The following ROBO2 variants were observed in gnomAD, a reference collection of about 807,000 sequenced individuals.
ROBO2 encodes roundabout homolog 2.
Under a neutral mutation model 160.8 loss-of-function variants are expected in ROBO2, and 53 were observed. The observed-to-expected ratio is 0.33, with a 90% CI of 0.26 to 0.41. ROBO2 has a LOEUF of 0.41. ROBO2 is among the 10% of genes least tolerant of loss of function. The pLI is 1.00. For missense variants in ROBO2, 1,577 were observed against 1,722.4 expected (o/e 0.92, Z 1.49); for synonymous variants, 664 against 611.7 (o/e 1.09, Z -1.26).
chr3:77,501,599 T>A (rs2153607634), intron 5 of ROBO2, among the ~76,000 whole-genome samples: 1 of 152,250 alleles, frequency 6.6e-6, no homozygotes. Flanking sequence ...ATCTGCAAAC[T>A]ATGTTGGATT....
intron 1 of ROBO2, among the ~76,000 whole-genome samples, chr3:75,912,834 G>A (rs1006405449): frequency 1.4e-4 from 21 of 152,248 alleles, no homozygotes; most frequent in African/African-American, 5.1e-4. Flanking sequence ...CTGTGATTGA[G>A]TTTACCACTT....
At chr3:76,842,576 A>T (rs1324988194) in intron 2 of ROBO2, among the ~76,000 whole-genome samples, 1 of 152,210 alleles carries the variant, frequency 6.6e-6, no homozygotes, top group Non-Finnish European at 1.5e-5. Flanking sequence ...TAAGCTTCAG[A>T]CATGTATGAT....
chr3:77,203,376 T>G (rs895260403), intron 2 of ROBO2, among the ~76,000 whole-genome samples: 13 of 152,194 alleles, frequency 8.5e-5, no homozygotes, highest in Admixed American at 7.2e-4. Flanking sequence ...TATTGAGAAT[T>G]TGCAAATAAT....
intron 2 of ROBO2, among the ~76,000 whole-genome samples, chr3:76,685,905 G>A (rs1182244409): frequency 6.6e-6 from 1 of 152,128 alleles, no homozygotes; most frequent in African/African-American, 2.4e-5. Flanking sequence ...CAGAGAGTAT[G>A]CATCCTTTCT....
At chr3:77,092,060 T>C (rs2150028578) in intron 1 of ROBO2, 1 of 151,702 alleles carries the variant, frequency 6.6e-6, no homozygotes, top group South Asian at 2.1e-4. Flanking sequence ...TATCTTAGTG[T>C]TCACTTCGGC....
intron 2 of ROBO2, among the ~76,000 whole-genome samples, chr3:76,884,475 TGCAGAGAAACGCA>T (rs1325605804): frequency 2.0e-5 from 3 of 152,282 alleles, no homozygotes; most frequent in South Asian, 2.1e-4. Flanking sequence ...CTGTTATGGC[TGCAGAGAAACGCA>T]GCAGAGAAAC....
chr3:77,110,229 T>A (rs940470325), intron 2 of ROBO2, among the ~76,000 whole-genome samples: 7 of 152,168 alleles, frequency 4.6e-5, no homozygotes, highest in African/African-American at 1.7e-4. Flanking sequence ...TCATCTATCA[T>A]TGAATATCCA....
At position 76,756,022 on chromosome 3, in the gene ROBO2, A is replaced by AT. The variant is rs1216864899; in HGVS notation, c.110-341987dup. On this transcript the variant is annotated intron_variant, in intron 2 of 26. Coordinates refer to the ROBO2 transcript ENST00000487694. The stretch of plus-strand genomic sequence containing the variant: ...TTTTAATACCCTATGTATGATATCA[A>AT]TTTTTAATTAGCTTTGAGTATGTGG... Among the ~76,000 whole-genome samples, 3 of 151,940 alleles carry AT rather than the reference A, an allele frequency of 2.0e-5. No homozygotes were observed. The East Asian group carries it at 5.9e-4, about 30-fold the overall frequency.
intron 2 of ROBO2, among the ~76,000 whole-genome samples, chr3:76,427,727 T>C (rs557761465): frequency 6.6e-6 from 1 of 152,334 alleles, no homozygotes; most frequent in East Asian, 1.9e-4. Flanking sequence ...AATTGTATTC[T>C]TGTTGTTTAA....
At chr3:77,018,869 C>A (rs1373623703) in intron 2 of ROBO2, among the ~76,000 whole-genome samples, 1 of 152,072 alleles carries the variant, frequency 6.6e-6, no homozygotes. Flanking sequence ...AGGGAAGATA[C>A]AAATCCAAAT....
intron 2 of ROBO2, among the ~76,000 whole-genome samples, chr3:77,267,260 GT>G (rs1470949447): frequency 6.6e-6 from 1 of 152,176 alleles, no homozygotes. Context: ...AAAAATATTA[GT>G]TGTTTTATTG....
intron 2 of ROBO2, among the ~76,000 whole-genome samples, chr3:77,175,594 C>A (rs1313701455): frequency 6.6e-6 from 1 of 151,858 alleles, no homozygotes; most frequent in Non-Finnish European, 1.5e-5. Flanking sequence ...CTATTGCAAC[C>A]GTGTGGGTGA....
At chr3:77,391,826 CT>C (rs1265064917) in intron 2 of ROBO2, among the ~76,000 whole-genome samples, 1 of 152,086 alleles carries the variant, frequency 6.6e-6, no homozygotes, top group Non-Finnish European at 1.5e-5. Flanking sequence ...TTCCAAAGTG[CT>C]GGCATTATAA....
rs2059988632 is a variant in ROBO2, at chr3:76,979,582, TGTGTGTGTGTG to T, written c.110-118420_110-118410del. Among the ~76,000 whole-genome samples the T allele has an allele frequency of 1.1e-4, 16 of 151,498 alleles. No homozygotes were observed. The South Asian group carries it at 3.3e-3, about 32-fold the overall frequency. On this transcript the variant is annotated intron_variant, in intron 2 of 26. Coordinates refer to the ROBO2 transcript ENST00000487694. ...TATTGCTGAATGGTATTGGGGTGTA[TGTGTGTGTGTG>T]GTGTGTGTGTGTGTGTGTGTGCGCA...
intron 2 of ROBO2, among the ~76,000 whole-genome samples, chr3:75,992,784 G>A (rs2107520916): frequency 6.6e-6 from 1 of 152,316 alleles, no homozygotes; most frequent in East Asian, 1.9e-4. Flanking sequence ...AAGCCACAGG[G>A]GCAGAGCTGC....
intron 2 of ROBO2, among the ~76,000 whole-genome samples, chr3:76,209,988 C>A (rs1167500420): frequency 6.6e-6 from 1 of 151,968 alleles, no homozygotes; most frequent in African/African-American, 2.4e-5. Flanking sequence ...CATTCAGGCC[C>A]AGAACTTCAT....
intron 2 of ROBO2, among the ~76,000 whole-genome samples, chr3:76,125,889 T>A (rs1235195377): frequency 6.6e-6 from 1 of 152,128 alleles, no homozygotes. Flanking sequence ...TGCAATGGCA[T>A]GATCTCAGCT....
At chr3:77,403,618 AT>A (rs61619623) in intron 2 of ROBO2, among the ~76,000 whole-genome samples, 62,231 of 134,222 alleles carry the variant, frequency 0.46, 13,839 homozygotes, top group East Asian at 0.6. Context: ...GTGTGTGTGT[AT>A]TTTTTTTTTT....
chr3:77,513,259 A>T (rs2089626722), intron 5 of ROBO2, among the ~76,000 whole-genome samples: 1 of 151,780 alleles, frequency 6.6e-6, no homozygotes. Flanking sequence ...TGTCTGAATT[A>T]TATTCTTAAA....
Sources: gnomAD v4.1 joint callset for allele counts (sites outside exome capture counted in the v4.1 genomes callset) on GRCh38, gnomAD v4.1.1 for gene constraint, MANE v1.5 for transcripts, NCBI Gene and HGNC (gene_info 2026-07-23, HGNC 2026-07-21) for gene names.